Variants in TYW1B observed in about 807,000 individuals in gnomAD.
TYW1B encodes tRNA-yW synthesizing protein 1 homolog B.
A neutral mutation model predicts 86.9 loss-of-function variants in TYW1B; 73 were observed. That is an observed-to-expected ratio of 0.84 (90% CI 0.70 to 1.02). The LOEUF (loss-of-function observed/expected upper bound fraction) is 1.02. TYW1B is among the 50% of genes least tolerant of loss of function. TYW1B has a pLI of 0.00. For synonymous variants in TYW1B, 248 were observed against 292.8 expected (o/e 0.85, Z 1.56); for missense variants, 637 against 827.4 (o/e 0.77, Z 2.82).
chr7:72,668,637 C>A (rs1334478013), intron 11 of TYW1B, among the ~76,000 whole-genome samples: 1 of 152,182 alleles, frequency 6.6e-6, no homozygotes, highest in Non-Finnish European at 1.5e-5. Flanking sequence ...AATCGCCAAA[C>A]TCTGCCTGCT....
rs1159702780 is a variant in TYW1B, at chr7:72,745,849, GGGGTGTGTGTGT to G, written c.965-1260_965-1249del. Among the ~76,000 whole-genome samples the G allele has an allele frequency of 2.3e-4, 30 of 130,116 alleles. No homozygotes were observed. In the East Asian group the frequency reaches 5.5e-3, roughly 24 times the overall value. The allele number at this position is 130,116 out of a possible 152,430, so 85.4% of individuals were successfully genotyped here. A position where few individuals can be genotyped will look rare whatever the true frequency, so the allele number is the denominator to read the frequency against. On this transcript the variant is annotated intron_variant, in intron 7 of 13. Coordinates refer to ENST00000620995, the MANE Select transcript of TYW1B (RefSeq NM_001145440.3). The stretch of plus-strand genomic sequence containing the variant: ...AATGAGTAGCCTTTACACGTGTATA[GGGGTGTGTGTGT>G]GTGTGTGTGTGTGTGTGTGTGTGTG...
At chr7:72,701,594 G>A (rs1232244134) in intron 10 of TYW1B, among the ~76,000 whole-genome samples, 11 of 152,226 alleles carry the variant, frequency 7.2e-5, no homozygotes, top group Admixed American at 3.3e-4. Context: ...TGGCAACTCC[G>A]GAAATCAGAT....
intron 2 of TYW1B, chr7:72,822,840 T>C (rs1788855987): frequency 6.6e-6 from 1 of 152,126 alleles, no homozygotes; most frequent in African/African-American, 2.4e-5. Context: ...AAAAAATTTT[T>C]TTAATTAGCC....
intron 13 of TYW1B, among the ~76,000 whole-genome samples, chr7:72,600,310 T>A (rs536139756): frequency 6.6e-6 from 1 of 152,356 alleles, no homozygotes; most frequent in South Asian, 2.1e-4. Flanking sequence ...AACAATTGGA[T>A]GTCCTCATGC....
At chr7:72,787,908 A>C (rs1260629861) in intron 6 of TYW1B, among the ~76,000 whole-genome samples, 2 of 152,206 alleles carry the variant, frequency 1.3e-5, no homozygotes, top group African/African-American at 4.8e-5. Context: ...GGAAGGTTAA[A>C]CTGTACATTT....
At chr7:72,700,017 G>C (rs1814423754) in intron 10 of TYW1B, among the ~76,000 whole-genome samples, 3 of 152,052 alleles carry the variant, frequency 2.0e-5, no homozygotes, top group Non-Finnish European at 4.4e-5. Context: ...TGGCTCTAGG[G>C]TGGTGGAGAT....
chr7:72,756,201 T>TTATTTTATTTTA (rs1554465995), intron 7 of TYW1B, among the ~76,000 whole-genome samples: 2 of 138,788 alleles, frequency 1.4e-5, no homozygotes, highest in Non-Finnish European at 3.1e-5. Flanking sequence ...GTTTATTATT[T>TTATTTTATTTTA]TTTTATTTTA....
rs2286318 is a variant in TYW1B at position 72,815,449 on chromosome 7, C to T, written c.168G>A (p.Thr56=). ...GFATVLAEAV[T]SLDLPVAIIN... The stretch of plus-strand genomic sequence containing the variant: ...TAATGGCCACAGGCAGATCCAGGGA[C>T]GTAACTGCTTCAGCAAGAACTGTTG... Residue 56 remains threonine, a synonymous_variant, in exon 3 of 14, where the codon ACG becomes ACA. Transcript: ENST00000620995. The T allele has an allele frequency of 0.054, 87,440 of 1,607,252 alleles. 5,566 individuals are homozygous for T. The highest frequency in any genetic ancestry group is 0.32 in the East Asian group (14,394 of 44,600).
intron 10 of TYW1B, among the ~76,000 whole-genome samples, chr7:72,703,846 C>G (rs1367127662): frequency 6.7e-6 from 1 of 149,600 alleles, no homozygotes; most frequent in Non-Finnish European, 1.5e-5. Flanking sequence ...CAGGGTGAGA[C>G]CCTGTCTCAA....
At chr7:72,753,021 T>G (rs535878436) in intron 7 of TYW1B, among the ~76,000 whole-genome samples, 2 of 152,006 alleles carry the variant, frequency 1.3e-5, no homozygotes, top group African/African-American at 4.8e-5. Context: ...AACTCCTACT[T>G]TGAAAATTGG....
intron 11 of TYW1B, among the ~76,000 whole-genome samples, chr7:72,644,856 G>C (rs562182198): frequency 1.5e-5 from 2 of 133,442 alleles, no homozygotes; most frequent in Admixed American, 8.0e-5. Flanking sequence ...TTGAGACAGA[G>C]TCTCTCTGTT....
At chr7:72,795,737 T>C (rs1788295001) in intron 6 of TYW1B, among the ~76,000 whole-genome samples, 1 of 118,516 alleles carries the variant, frequency 8.4e-6, no homozygotes, top group Non-Finnish European at 1.7e-5. Flanking sequence ...GTTTGTGGGA[T>C]GATATTTTGA....
At chr7:72,623,353 A>T (rs1323239355) in intron 12 of TYW1B, among the ~76,000 whole-genome samples, 1 of 152,034 alleles carries the variant, frequency 6.6e-6, no homozygotes, top group Non-Finnish European at 1.5e-5. Flanking sequence ...TTGATTTCAC[A>T]TCTTGGGGGC....
At chr7:72,607,641 T>C (rs1370007009) in intron 13 of TYW1B, among the ~76,000 whole-genome samples, 1 of 151,792 alleles carries the variant, frequency 6.6e-6, no homozygotes, top group Non-Finnish European at 1.5e-5. Flanking sequence ...CAATCTAAAG[T>C]TAGGACAAGA....
chr7:72,621,859 T>A (rs1418402674), intron 12 of TYW1B, among the ~76,000 whole-genome samples: 1 of 152,220 alleles, frequency 6.6e-6, no homozygotes, highest in Non-Finnish European at 1.5e-5. Context: ...AAACGCTGGT[T>A]AGGGACTGCT....
Position 72,598,273 on chromosome 7 carries a change from G to A in TYW1B, c.1785+18399C>T, listed in dbSNP as rs565858036. ...TGGATGCTTCCTGCCCTCGAACATC[G>A]GACTCCAAGTTCTTCAGGTTTGGGA... is the stretch of plus-strand genomic sequence containing the variant. On this transcript the variant is annotated intron_variant, in intron 13 of 13. Coordinates refer to ENST00000620995, the MANE Select transcript of TYW1B (RefSeq NM_001145440.3). 4.3e-3 allele frequency among the ~76,000 whole-genome samples: 647 copies of A among 152,054 alleles called. 3 individuals are homozygous for A. The highest frequency in any genetic ancestry group is 0.015 in the African/African-American group (613 of 41,494).
chr7:72,593,513 T>C (rs1811450575), intron 13 of TYW1B, among the ~76,000 whole-genome samples: 1 of 151,790 alleles, frequency 6.6e-6, no homozygotes, highest in African/African-American at 2.4e-5. Context: ...CCAAGAACAA[T>C]GGGATGAAGT....
intron 11 of TYW1B, among the ~76,000 whole-genome samples, chr7:72,637,048 C>T (rs1489124220): frequency 1.3e-5 from 2 of 152,040 alleles, no homozygotes; most frequent in African/African-American, 4.8e-5. Flanking sequence ...TGATTGAGCC[C>T]AGGAGGTGGA....
At chr7:72,608,084 T>C (rs868914838) in intron 13 of TYW1B, among the ~76,000 whole-genome samples, 3 of 152,144 alleles carry the variant, frequency 2.0e-5, no homozygotes, top group Non-Finnish European at 4.4e-5. Context: ...CTACCAAAAA[T>C]ATCCTTCAGG....
Sources: allele counts gnomAD v4.1 joint callset (sites outside exome capture counted in the v4.1 genomes callset), GRCh38; gene constraint gnomAD v4.1.1; transcripts MANE v1.5; gene names NCBI Gene and HGNC (gene_info 2026-07-23, HGNC 2026-07-21).